The following DAB1 variants were observed in gnomAD, a reference collection of about 807,000 sequenced individuals.
DAB1 encodes disabled homolog 1.
Under a neutral mutation model 64.6 loss-of-function variants are expected in DAB1, and 15 were observed. That is an observed-to-expected ratio of 0.23 (90% CI 0.16 to 0.36). The LOEUF is 0.36. Among genes scored for constraint, DAB1 ranks in the 10% least tolerant of loss-of-function variants. DAB1 has a pLI of 1.00. For missense variants in DAB1, 596 were observed against 706.7 expected (o/e 0.84, Z 1.78); for synonymous variants, 235 against 251.9 (o/e 0.93, Z 0.64).
At chr1:58,223,959 T>C (rs1193469764) in intron 4 of DAB1, among the ~76,000 whole-genome samples, 2 of 152,344 alleles carry the variant, frequency 1.3e-5, no homozygotes, top group Admixed American at 1.3e-4. Flanking sequence ...CTTTTTACCT[T>C]GGCCTATCTG....
chr1:57,032,920 G>C (rs535450092), intron 9 of DAB1, among the ~76,000 whole-genome samples: 1 of 152,058 alleles, frequency 6.6e-6, no homozygotes, highest in African/African-American at 2.4e-5. Context: ...TACTTGGCAC[G>C]TCCTGTTCAT....
At chr1:57,249,216 G>C (rs1291836905) in intron 2 of DAB1, among the ~76,000 whole-genome samples, 2 of 97,974 alleles carry the variant, frequency 2.0e-5, no homozygotes, top group African/African-American at 8.0e-5. Flanking sequence ...TGTATGTATA[G>C]AGAAAAAAAT....
At chr1:58,253,350 G>A (rs771537904) in intron 4 of DAB1, among the ~76,000 whole-genome samples, 22 of 152,182 alleles carry the variant, frequency 1.4e-4, no homozygotes, top group Non-Finnish European at 2.9e-4. Context: ...GACTCTGATT[G>A]TTGTTAACAA....
At chr1:57,911,271 T>C (rs536256471) in intron 5 of DAB1, among the ~76,000 whole-genome samples, 302 of 152,282 alleles carry the variant, frequency 2.0e-3, no homozygotes, top group South Asian at 3.7e-3. Flanking sequence ...CATCTGCCTG[T>C]TTATTCTCAG....
intron 4 of DAB1, among the ~76,000 whole-genome samples, chr1:58,306,128 G>T (rs533943670): frequency 6.6e-6 from 1 of 152,200 alleles, no homozygotes; most frequent in African/African-American, 2.4e-5. Context: ...AAAGAGAGAA[G>T]AACCTCAAGT....
intron 7 of DAB1, among the ~76,000 whole-genome samples, chr1:57,457,313 C>A (rs1459668563): frequency 1.3e-5 from 2 of 152,092 alleles, no homozygotes; most frequent in African/African-American, 4.8e-5. Flanking sequence ...GAAATCTGAC[C>A]AGCATGGCAG....
chr1:57,411,448 T>C (rs561221), intron 1 of DAB1, among the ~76,000 whole-genome samples: 25,398 of 152,264 alleles, frequency 0.17, 3,134 homozygotes, highest in African/African-American at 0.35. Context: ...ATTTGCCCAT[T>C]GGGCAGCCAA....
At chr1:57,996,233 T>C (rs1031985285) in intron 5 of DAB1, among the ~76,000 whole-genome samples, 2 of 152,156 alleles carry the variant, frequency 1.3e-5, no homozygotes, top group African/African-American at 4.8e-5. Flanking sequence ...GACTCCAGCC[T>C]GGGCCACAGA....
intron 1 of DAB1, chr1:58,542,475 C>T (rs1199665444): frequency 6.6e-6 from 1 of 152,066 alleles, no homozygotes; most frequent in Non-Finnish European, 1.5e-5. Context: ...TTATTAAATA[C>T]TACATACTGT....
upstream of DAB1, among the ~76,000 whole-genome samples, chr1:57,888,756 C>T (rs573141730): frequency 9.2e-5 from 14 of 151,838 alleles, no homozygotes; most frequent in Non-Finnish European, 1.5e-4. Flanking sequence ...AGATAGTGCA[C>T]AAATGAGAAA....
intron 5 of DAB1, among the ~76,000 whole-genome samples, chr1:57,956,557 G>A (rs180992366): frequency 6.4e-4 from 97 of 152,320 alleles, no homozygotes; most frequent in Admixed American, 8.5e-4. Context: ...GCACAGAAGG[G>A]TGGAGGGAAG....
chr1:57,244,429 T>G (rs1668715984), intron 2 of DAB1, among the ~76,000 whole-genome samples: 1 of 152,228 alleles, frequency 6.6e-6, no homozygotes, highest in African/African-American at 2.4e-5. Flanking sequence ...GATTGAGTAA[T>G]GAGTCTTTAT....
At chr1:58,298,026 A>T (rs1483544209) in intron 4 of DAB1, among the ~76,000 whole-genome samples, 1 of 152,194 alleles carries the variant, frequency 6.6e-6, no homozygotes, top group Non-Finnish European at 1.5e-5. Context: ...TATTATGATT[A>T]AAAAATATGA....
At chr1:58,464,521 T>G (rs565827996) in intron 3 of DAB1, among the ~76,000 whole-genome samples, 2 of 152,212 alleles carry the variant, frequency 1.3e-5, no homozygotes, top group Non-Finnish European at 2.9e-5. Context: ...GGAATTCTAC[T>G]GCCTAGACTT....
At chr1:57,723,805 T>C (rs1397605426) in intron 6 of DAB1, among the ~76,000 whole-genome samples, 1 of 152,208 alleles carries the variant, frequency 6.6e-6, no homozygotes, top group Non-Finnish European at 1.5e-5. Context: ...CTGTTAGGAA[T>C]GTTATTGATT....
At chr1:57,680,655 G>A (rs1646625580) in intron 6 of DAB1, among the ~76,000 whole-genome samples, 2 of 152,118 alleles carry the variant, frequency 1.3e-5, no homozygotes, top group South Asian at 4.1e-4. Flanking sequence ...GGACTCTTGT[G>A]ACTACATCGA....
intron 4 of DAB1, among the ~76,000 whole-genome samples, chr1:58,283,665 C>A (rs1286655660): frequency 2.0e-5 from 3 of 152,188 alleles, no homozygotes; most frequent in African/African-American, 7.2e-5. Context: ...ATAACATTGC[C>A]AAACTTGTAG....
Position 57,855,182 on chromosome 1 carries a change from AGGGGGAG to A in DAB1, n.88-28734_88-28728del, listed in dbSNP as rs568424458. ...ACTTCTGCAGGGCTGGAGGAAGCTG[AGGGGGAG>A]GGGTGCAGTGAGGTAGTGGTAGCAA... On this transcript the variant is annotated intron_variant and non_coding_transcript_variant, in intron 1 of 1. Transcript: ENST00000477280. 3.4e-4 allele frequency among the ~76,000 whole-genome samples: 52 copies of A among 152,250 alleles called. 1 individual carries two copies. The South Asian group carries it at 7.9e-3, about 23-fold the overall frequency.
chr1:57,275,439 A>G (rs1044554083), intron 2 of DAB1, among the ~76,000 whole-genome samples: 1 of 152,262 alleles, frequency 6.6e-6, no homozygotes, highest in African/African-American at 2.4e-5. Flanking sequence ...TAGTTGCACT[A>G]ATCACTTGAT....
Sources: allele counts gnomAD v4.1 joint callset (sites outside exome capture counted in the v4.1 genomes callset), GRCh38; gene constraint gnomAD v4.1.1; transcripts MANE v1.5; gene names NCBI Gene and HGNC (gene_info 2026-07-23, HGNC 2026-07-21).